The following SOX6 variants were observed in gnomAD, a reference collection of about 807,000 sequenced individuals.
SOX6 encodes SRY-box transcription factor 6.
SOX6 carries 11 observed loss-of-function variants against 97.8 expected under a neutral mutation model. The observed-to-expected ratio is 0.11, with a 90% CI of 0.07 to 0.19. SOX6 has a LOEUF of 0.19. Ranked by LOEUF, SOX6 falls within the 10% of genes least tolerant of loss-of-function variation. SOX6 has a pLI of 1.00. For synonymous variants in SOX6, 360 were observed against 371.4 expected, an observed-to-expected ratio of 0.97 and a Z score of 0.35; for missense variants, 810 against 1,039.5, an observed-to-expected ratio of 0.78 and a Z score of 3.04.
At chr11:16,271,672 G>T (rs1032423276) in intron 3 of SOX6, among the ~76,000 whole-genome samples, 1 of 151,012 alleles carries the variant, frequency 6.6e-6, no homozygotes, top group Non-Finnish European at 1.5e-5. Context: ...GGGATCTTTT[G>T]ATTTTTATAT....
chr11:16,362,808 A>G (rs1460916559), intron 1 of SOX6, among the ~76,000 whole-genome samples: 1 of 152,150 alleles, frequency 6.6e-6, no homozygotes, highest in African/African-American at 2.4e-5. Context: ...CTTTCTCAGA[A>G]CCAGAACATA....
At chr11:16,046,846 A>G in intron 11 of SOX6, 145 bp from the exon 12 acceptor site, 1 of 853,584 alleles carries the variant, frequency 1.2e-6, no homozygotes, top group East Asian at 2.7e-5. Context: ...ACGCTAATAT[A>G]CATAGAACAC....
chr11:16,060,033 G>A (rs1289218125), intron 9 of SOX6, among the ~76,000 whole-genome samples: 2 of 151,848 alleles, frequency 1.3e-5, no homozygotes, highest in African/African-American at 4.8e-5. Context: ...ACAGTCCTTG[G>A]TTATCATTTA....
intron 4 of SOX6, among the ~76,000 whole-genome samples, chr11:16,608,163 A>T (rs1452605906): frequency 6.6e-6 from 1 of 152,060 alleles, no homozygotes; most frequent in African/African-American, 2.4e-5. Flanking sequence ...TGCTGGGAGG[A>T]GGAGTCAGGA....
chr11:16,545,648 T>C (rs1178063333), intron 4 of SOX6, among the ~76,000 whole-genome samples: 3 of 152,036 alleles, frequency 2.0e-5, no homozygotes, highest in Non-Finnish European at 2.9e-5. Context: ...GGCACCCAAA[T>C]TGGAAAAGAA....
At chr11:16,060,398 G>T (rs1201267307) in intron 9 of SOX6, among the ~76,000 whole-genome samples, 3 of 151,874 alleles carry the variant, frequency 2.0e-5, no homozygotes, top group Admixed American at 2.0e-4. Context: ...AAGAGGTACA[G>T]CCACATTCCA....
chr11:16,190,155 C>A (rs1428035337), intron 4 of SOX6, among the ~76,000 whole-genome samples: 1 of 152,064 alleles, frequency 6.6e-6, no homozygotes, highest in Non-Finnish European at 1.5e-5. Context: ...GGAATAACAC[C>A]ATTTAGCTGA....
intron 3 of SOX6, among the ~76,000 whole-genome samples, chr11:16,692,670 T>C (rs1321182084): frequency 6.6e-6 from 1 of 152,190 alleles, no homozygotes; most frequent in Non-Finnish European, 1.5e-5. Flanking sequence ...ATAAGGGTTC[T>C]CCCCAAAAGG....
At chr11:16,435,978 C>T (rs990283809) in intron 1 of SOX6, among the ~76,000 whole-genome samples, 4 of 152,084 alleles carry the variant, frequency 2.6e-5, no homozygotes, top group Non-Finnish European at 4.4e-5. Context: ...TGTTCTATCC[C>T]TCTACCACTA....
intron 6 of SOX6, among the ~76,000 whole-genome samples, chr11:16,115,556 C>T (rs1161507783): frequency 6.6e-6 from 1 of 152,132 alleles, no homozygotes; most frequent in East Asian, 1.9e-4. Context: ...GGCTGCTGGT[C>T]CAGGGGTCAT....
intron 13 of SOX6, among the ~76,000 whole-genome samples, chr11:16,008,496 C>A (rs1423018977): frequency 6.6e-6 from 1 of 152,030 alleles, no homozygotes; most frequent in East Asian, 1.9e-4. Context: ...TAAAGAGAGG[C>A]TGGGTCTTTG....
intron 4 of SOX6, among the ~76,000 whole-genome samples, chr11:16,512,761 G>A (rs552203544): frequency 2.0e-5 from 3 of 152,164 alleles, no homozygotes; most frequent in African/African-American, 4.8e-5. Flanking sequence ...TCTGGCACAG[G>A]GCCTTAAAGC....
intron 3 of SOX6, among the ~76,000 whole-genome samples, chr11:16,283,019 G>GTATATATATATA (rs10581082): frequency 3.0e-5 from 4 of 133,166 alleles, no homozygotes; most frequent in African/African-American, 1.1e-4. Flanking sequence ...TGAGATGTGA[G>GTATATATATATA]TATATATATA....
At chr11:16,657,784 G>A (rs1440880616) in intron 3 of SOX6, among the ~76,000 whole-genome samples, 1 of 152,146 alleles carries the variant, frequency 6.6e-6, no homozygotes, top group Non-Finnish European at 1.5e-5. Context: ...TCTTTAGTGA[G>A]ATGTCTATTC....
intron 1 of SOX6, among the ~76,000 whole-genome samples, chr11:16,404,078 CAT>C (rs112806450): frequency 0.024 from 3,683 of 151,924 alleles, 132 homozygotes; most frequent in African/African-American, 0.078. Context: ...GGCCACAGTA[CAT>C]GTTTTCTGTA....
intron 15 of SOX6, among the ~76,000 whole-genome samples, chr11:15,983,833 C>T (rs73417031): frequency 0.016 from 2,436 of 152,184 alleles, 66 homozygotes; most frequent in African/African-American, 0.056. Flanking sequence ...CTATTGAGAA[C>T]AGGATACTTA....
At chr11:16,537,534 A>G (rs187877078) in intron 4 of SOX6, among the ~76,000 whole-genome samples, 110 of 152,332 alleles carry the variant, frequency 7.2e-4, no homozygotes, top group African/African-American at 2.5e-3. Context: ...CTCTGAGCTA[A>G]AGGAGCATGT....
intron 14 of SOX6, among the ~76,000 whole-genome samples, chr11:15,986,645 C>T (rs1853850779): frequency 6.6e-6 from 1 of 152,176 alleles, no homozygotes. Flanking sequence ...AAGACTGATG[C>T]TACTATAGTA....
At chr11:16,131,631 T>TG (rs1321321987) in intron 6 of SOX6, among the ~76,000 whole-genome samples, 1 of 148,672 alleles carries the variant, frequency 6.7e-6, no homozygotes, top group Non-Finnish European at 1.5e-5. Context: ...TGCATAGACT[T>TG]GCAATAGTAC....
Sources: gnomAD v4.1 joint callset for allele counts (sites outside exome capture counted in the v4.1 genomes callset) on GRCh38, gnomAD v4.1.1 for gene constraint, MANE v1.5 for transcripts, NCBI Gene and HGNC (gene_info 2026-07-23, HGNC 2026-07-21) for gene names.